Variants in CRBN observed in about 807,000 individuals in gnomAD.
CRBN encodes the protein protein cereblon.
In CRBN, 53 loss-of-function variants were observed where a neutral mutation model predicts 62.2. The observed-to-expected ratio is 0.85, with a 90% CI of 0.68 to 1.07. The LOEUF (loss-of-function observed/expected upper bound fraction) is 1.07, where lower values mean the gene tolerates loss of function less well. Ranked by LOEUF, CRBN falls within the 50% of genes least tolerant of loss-of-function variation. The pLI, the probability that CRBN is intolerant of heterozygous loss-of-function variation, is 0.00. For missense variants in CRBN, 616 were observed against 531.1 expected (o/e 1.16, Z -1.57); for synonymous variants, 208 against 176.1 (o/e 1.18, Z -1.43).
In CRBN at chr3:3,154,171, T is replaced by C. The variant is rs535207566; in HGVS notation, c.836-96A>G. On this transcript the variant is annotated intron_variant, in intron 7 of 10. Transcript: ENST00000231948. ...AATATCCTTTTGAAATAAACCCTTC[T>C]CTTTAAGGTTACACATTTTATACAA... 3 of 753,554 alleles carry C rather than the reference T, an allele frequency of 4.0e-6. No individual in the cohort carries two copies. The South Asian group carries it at 4.3e-5, about 11-fold the overall frequency. The allele number at this position is 753,554 out of a possible 1,614,324, so 46.7% of individuals were successfully genotyped here.
intron 1 of CRBN, among the ~76,000 whole-genome samples, chr3:3,177,748 G>A (rs1284764578): frequency 6.6e-6 from 1 of 151,788 alleles, no homozygotes; most frequent in East Asian, 1.9e-4. Flanking sequence ...CATAAATATG[G>A]CTAAAAACCA....
chr3:3,165,865 C>T (rs1038078617), intron 5 of CRBN, among the ~76,000 whole-genome samples: 7 of 152,098 alleles, frequency 4.6e-5, no homozygotes, highest in East Asian at 1.9e-4. Flanking sequence ...TACCTTGCCA[C>T]GTATTTCAGT....
At chr3:3,154,688 A>G in intron 7 of CRBN, 59 bp downstream of exon 7, 2 of 906,100 alleles carry the variant, frequency 2.2e-6, no homozygotes, top group South Asian at 1.3e-5. Flanking sequence ...CATCCATGAA[A>G]AAGCTATTTT....
At chr3:3,163,193 A>C (rs1362152722) in intron 5 of CRBN, among the ~76,000 whole-genome samples, 1 of 152,208 alleles carries the variant, frequency 6.6e-6, no homozygotes, top group Non-Finnish European at 1.5e-5. Flanking sequence ...AGAACCTAAG[A>C]AACTCTATCA....
intron 5 of CRBN, among the ~76,000 whole-genome samples, chr3:3,164,280 C>A (rs1707242942): frequency 1.3e-5 from 2 of 152,186 alleles, no homozygotes; most frequent in African/African-American, 4.8e-5. Flanking sequence ...CATGTCAAAG[C>A]TGAAAGAGGC....
rs548591759 is a variant in CRBN, at chr3:3,165,075, C to A, written c.687+2559G>T. On this transcript the variant is annotated intron_variant, in intron 5 of 10. Coordinates refer to ENST00000231948, the MANE Select transcript of CRBN (RefSeq NM_016302.4). ...TTTCAAGCCTTCAGTTAAGTAACTG[C>A]AGATGTGACAGAAACAAAAAGAGAA... Among the ~76,000 whole-genome samples the A allele has an allele frequency of 1.1e-4, 16 of 152,244 alleles. 1 individual carries two copies. The East Asian group carries it at 2.7e-3, about 26-fold the overall frequency.
Position 3,174,210 on chromosome 3 carries a change from C to G in CRBN, c.226G>C (p.Asp76His). The G allele has an allele frequency of 1.2e-6, 2 of 1,614,116 alleles. No homozygotes were observed. The highest frequency in any genetic ancestry group is 1.7e-6 in the Non-Finnish European group (2 of 1,180,026). The change falls in exon 3 of 11, where the codon GAC (aspartate) becomes CAC (histidine). Residue 76 changes from aspartate to histidine, a missense_variant. Coordinates refer to ENST00000231948, the MANE Select transcript of CRBN (RefSeq NM_016302.4). ...AGAACTGGAATCACCTGACAGCTGT[C>G]GTCATCGTGCAAAGTCCTGCCATGA... The part of the protein sequence containing the change: ...EFHGRTLHDD[D>H]SCQVIPVLPQ...
rs1706500616 is a variant in CRBN at position 3,151,006 on chromosome 3, G to A, written c.1188C>T (p.Ser396=). ...TGGCCGTAAACTTCCATCCAATATG[G>A]CTTGCACAGATCTTACACTGGGCAA... ...WTVAQCKICA[S]HIGWKFTATK... is the part of the protein sequence containing the mutation. Residue 396 remains serine, a synonymous_variant, in exon 11 of 11, where the codon AGC becomes AGT. Coordinates refer to ENST00000231948, the MANE Select transcript of CRBN (RefSeq NM_016302.4). The A allele has an allele frequency of 6.2e-7, 1 of 1,613,906 alleles. No individual in the cohort carries two copies. Among genetic ancestry groups the A allele is most frequent in the Non-Finnish European group, 8.5e-7 (1 of 1,179,948 alleles).
In CRBN at chr3:3,156,212, T is replaced by A; in HGVS notation, c.750+7A>T. 3 of 1,609,470 alleles carry A rather than the reference T, an allele frequency of 1.9e-6. No individual in the cohort carries two copies. The highest frequency in any genetic ancestry group is 2.6e-6 in the Non-Finnish European group (3 of 1,175,944). On this transcript the variant is annotated splice_region_variant and intron_variant, in intron 6 of 10. Transcript: ENST00000231948. Reference sequence around the variant, plus strand: ...TATATAAAGTAAATTTAAGGTAAGTTACTTACAGCATCATATAAGGAATAC... The same window carrying A: ...TATATAAAGTAAATTTAAGGTAAGTAACTTACAGCATCATATAAGGAATAC...
chr3:3,155,034 T>C, intron 6 of CRBN: 1 of 592,710 alleles, frequency 1.7e-6, no homozygotes, highest in East Asian at 2.9e-5. Flanking sequence ...TTCCAGCCTT[T>C]TCTCACTCAC....
rs1282941374 is a variant in CRBN at position 3,153,492 on chromosome 3, A to G, written c.952-4T>C. ...GTTTACAGCAAAGGGAAGTACACTA[A>G]AAGATTTGAGAGAAAAATTATTGGT... On this transcript the variant is annotated splice_polypyrimidine_tract_variant and splice_region_variant and intron_variant, in intron 8 of 10. Transcript: ENST00000231948. 6.4e-7 allele frequency: 1 copy of G among 1,550,722 alleles called. No homozygotes were observed. Among genetic ancestry groups the G allele is most frequent in the Non-Finnish European group, 8.9e-7 (1 of 1,122,512 alleles).
chr3:3,159,918 C>G (rs1324528525), intron 5 of CRBN, among the ~76,000 whole-genome samples: 1 of 152,144 alleles, frequency 6.6e-6, no homozygotes. Context: ...TATAGGCATT[C>G]TTTAAATATA....
At chr3:3,154,345 T>C in intron 7 of CRBN, 1 of 487,460 alleles carries the variant, frequency 2.1e-6, no homozygotes, top group Non-Finnish European at 3.7e-6. Context: ...GCCAAGAGAC[T>C]AGAAAAATAA....
chr3:3,179,525 G>A, intron 1 of CRBN, 96 bp downstream of exon 1: 1 of 1,250,586 alleles, frequency 8.0e-7, no homozygotes, highest in Admixed American at 1.9e-5. Flanking sequence ...CGCCAGGCTT[G>A]GCGCCCCCAC....
At position 3,154,816 on chromosome 3, in the gene CRBN, T is replaced by A; in HGVS notation, c.766A>T (p.Arg256Ter). 6.3e-7 allele frequency: 1 copy of A among 1,596,248 alleles called. No individual in the cohort carries two copies. The highest frequency in any genetic ancestry group is 8.6e-7 in the Non-Finnish European group (1 of 1,163,852). The change falls in exon 7 of 11, where the codon AGA (arginine) becomes TGA (stop). Residue 256 changes from arginine (R) to a stop codon, truncating the protein, a stop_gained. Transcript: ENST00000231948. LOFTEE classifies it high-confidence loss of function. The part of the protein sequence containing the change: ...SLYDAETLMD[R>*]IKKQLREWDE... Reference sequence around the variant, plus strand: ...CATTCACGTAGCTGTTTCTTGATTCTGTCCATTAAGGTCTCCTTGTTTAAA... The same window carrying A: ...CATTCACGTAGCTGTTTCTTGATTCAGTCCATTAAGGTCTCCTTGTTTAAA...
At chr3:3,161,501 G>A (rs954705848) in intron 5 of CRBN, among the ~76,000 whole-genome samples, 3 of 152,160 alleles carry the variant, frequency 2.0e-5, no homozygotes, top group African/African-American at 7.2e-5. Flanking sequence ...TGATTCTCCT[G>A]CCTCAGCGTC....
downstream of CRBN, chr3:3,149,824 T>TAAAC (rs1369670486): frequency 2.6e-5 from 4 of 152,134 alleles, no homozygotes. Context: ...TACATTTGAG[T>TAAAC]AAACATTTAA....
At chr3:3,155,330 C>G (rs1457390073) in intron 6 of CRBN, 1 of 157,912 alleles carries the variant, frequency 6.3e-6, no homozygotes, top group Non-Finnish European at 1.4e-5. Context: ...ACTGCAGTTT[C>G]CTTTAGTGTC....
chr3:3,166,790 A>G (rs35751033), intron 5 of CRBN, among the ~76,000 whole-genome samples: 14,165 of 152,166 alleles, frequency 0.093, 927 homozygotes, highest in Middle Eastern at 0.2. Flanking sequence ...TGACTAGTAT[A>G]TAAGTCCACT....
Sources: allele counts gnomAD v4.1 joint callset (sites outside exome capture counted in the v4.1 genomes callset), GRCh38; gene constraint gnomAD v4.1.1; transcripts MANE v1.5; gene names NCBI Gene and HGNC (gene_info 2026-07-23, HGNC 2026-07-21).